The following ARHGEF28 variants were observed in gnomAD, a reference collection of about 807,000 sequenced individuals.
ARHGEF28 encodes the protein 190 kDa guanine nucleotide exchange factor.
A neutral mutation model predicts 206.6 loss-of-function variants in ARHGEF28; 152 were observed. That is an observed-to-expected ratio of 0.74 (90% CI 0.64 to 0.84). The LOEUF is 0.84. Ranked by LOEUF, ARHGEF28 falls within the 40% of genes least tolerant of loss-of-function variation. The probability of loss-of-function intolerance (pLI) is 0.00; values close to 1 mark genes in which losing one functional copy is unlikely to be tolerated. For missense variants in ARHGEF28, 2,028 were observed against 2,073.2 expected, an observed-to-expected ratio of 0.98 and a Z score of 0.42; for synonymous variants, 763 against 776.4, an observed-to-expected ratio of 0.98 and a Z score of 0.29.
chr5:73,739,130 C>T (rs1580548572), intron 2 of ARHGEF28, among the ~76,000 whole-genome samples: 1 of 149,710 alleles, frequency 6.7e-6, no homozygotes, highest in African/African-American at 2.5e-5. Context: ...AAAAGGAAAC[C>T]TTTTTTTTTT....
At chr5:73,697,745 G>C (rs1159738662) in intron 2 of ARHGEF28, among the ~76,000 whole-genome samples, 1 of 152,134 alleles carries the variant, frequency 6.6e-6, no homozygotes, top group African/African-American at 2.4e-5. Flanking sequence ...TTCTGGAGGG[G>C]ACATTCAAAC....
chr5:73,640,488 A>C (rs1012570195), intron 1 of ARHGEF28, among the ~76,000 whole-genome samples: 3 of 152,210 alleles, frequency 2.0e-5, no homozygotes, highest in African/African-American at 7.2e-5. Context: ...GTTTAAGCCA[A>C]ACTTTCTTCT....
At chr5:73,767,535 T>A (rs886226941) in intron 4 of ARHGEF28, among the ~76,000 whole-genome samples, 1 of 152,110 alleles carries the variant, frequency 6.6e-6, no homozygotes, top group Non-Finnish European at 1.5e-5. Flanking sequence ...AGCATTTTGC[T>A]CCTGTGCTAG....
intron 6 of ARHGEF28, among the ~76,000 whole-genome samples, chr5:73,779,230 T>G (rs1357916502): frequency 1.3e-5 from 2 of 152,188 alleles, no homozygotes; most frequent in East Asian, 3.8e-4. Context: ...ATCCAAACTG[T>G]AAAGACAGAA....
chr5:73,690,525 CAAAAAA>C (rs71615796), intron 2 of ARHGEF28, among the ~76,000 whole-genome samples: 7 of 23,356 alleles, frequency 3.0e-4, no homozygotes, highest in Admixed American at 1.3e-3. Flanking sequence ...TCTGTCTTTA[CAAAAAA>C]AAAAAAAAAA....
chr5:73,801,732 T>G (rs1755148207), intron 9 of ARHGEF28, among the ~76,000 whole-genome samples: 1 of 152,070 alleles, frequency 6.6e-6, no homozygotes, highest in Non-Finnish European at 1.5e-5. Context: ...TTCTTTTCTC[T>G]TTTTTTGGGG....
chr5:73,919,823 T>C (rs1424917302), intron 35 of ARHGEF28, among the ~76,000 whole-genome samples: 1 of 152,216 alleles, frequency 6.6e-6, no homozygotes, highest in Non-Finnish European at 1.5e-5. Flanking sequence ...AAAGTCATGG[T>C]TCAGCATCGC....
At chr5:73,852,780 G>T (rs1022818697) in intron 14 of ARHGEF28, 88 bp downstream of exon 14, 6 of 1,373,714 alleles carry the variant, frequency 4.4e-6, no homozygotes, top group Non-Finnish European at 6.2e-6. Flanking sequence ...CTGTTCACTA[G>T]TTCATGAGAG....
intron 2 of ARHGEF28, among the ~76,000 whole-genome samples, chr5:73,732,107 ATGT>A (rs1285489922): frequency 6.7e-6 from 1 of 149,872 alleles, no homozygotes; most frequent in Non-Finnish European, 1.5e-5. Context: ...TTCACTCCTG[ATGT>A]TGTATATTCT....
At chr5:73,686,105 C>A (rs911535671) in intron 2 of ARHGEF28, among the ~76,000 whole-genome samples, 2 of 152,058 alleles carry the variant, frequency 1.3e-5, no homozygotes, top group African/African-American at 4.8e-5. Context: ...GAAAAGCTGC[C>A]CCTTGAGTTG....
intron 29 of ARHGEF28, among the ~76,000 whole-genome samples, chr5:73,896,353 C>T (rs777579409): frequency 4.6e-5 from 7 of 151,996 alleles, no homozygotes; most frequent in African/African-American, 7.3e-5. Context: ...CGGGGGTCAC[C>T]GTTAGATGAG....
chr5:73,683,479 T>G lies in ARHGEF28; in HGVS notation c.-11-1362T>G, dbSNP rs148684439. 2.9e-3 allele frequency among the ~76,000 whole-genome samples: 436 copies of G among 152,054 alleles called. 2 individuals are homozygous for G. Among genetic ancestry groups the G allele is most frequent in the African/African-American group, 0.01 (420 of 41,466 alleles). ...ATAGTATTTTTCCTTTCTGTCTGAG[T>G]TCTTTCACTTAGGGTAATGTTGTCA... is the stretch of plus-strand genomic sequence containing the variant. On this transcript the variant is annotated intron_variant, in intron 1 of 35. Transcript: ENST00000513042.
intron 22 of ARHGEF28, among the ~76,000 whole-genome samples, chr5:73,879,898 C>A (rs1189781147): frequency 3.9e-5 from 6 of 152,200 alleles, no homozygotes; most frequent in Admixed American, 3.3e-4. Context: ...CTTGAGGAGG[C>A]AGTCTGCCCG....
At chr5:73,917,038 A>G (rs1347684020) in intron 35 of ARHGEF28, among the ~76,000 whole-genome samples, 3 of 152,226 alleles carry the variant, frequency 2.0e-5, no homozygotes, top group Non-Finnish European at 4.4e-5. Context: ...TAGTGAAACT[A>G]GAGCAGAAAA....
In ARHGEF28 at chr5:73,752,954, C is replaced by T. The variant is rs779778189; in HGVS notation, c.227C>T (p.Ser76Leu). ...GTGACGGTATCTGTGTGCCTCTGCT[C>T]GGAAGGTTACTCTCCGGTGACCATG... is the stretch of plus-strand genomic sequence containing the variant. ...ETVTVSVCLC[S>L]EGYSPVTMGS... is the part of the protein sequence containing the mutation. The change falls in exon 4 of 36, where the codon TCG (serine) becomes TTG (leucine). Residue 76 changes from serine (S) to leucine (L), a missense_variant. Coordinates refer to ENST00000513042, the MANE Select transcript of ARHGEF28 (RefSeq NM_001177693.2). 41 of 1,613,826 alleles carry T rather than the reference C, an allele frequency of 2.5e-5. No individual in the cohort carries two copies. The highest frequency in any genetic ancestry group is 4.0e-5 in the African/African-American group (3 of 75,032).
chr5:73,675,750 A>G (rs1404559080), intron 1 of ARHGEF28, among the ~76,000 whole-genome samples: 5 of 151,240 alleles, frequency 3.3e-5, no homozygotes, highest in African/African-American at 9.7e-5. Flanking sequence ...AAAAAAAAAA[A>G]AAAAGAAAAT....
At chr5:73,844,615 T>C (rs554766105) in intron 11 of ARHGEF28, among the ~76,000 whole-genome samples, 1 of 147,068 alleles carries the variant, frequency 6.8e-6, no homozygotes, top group East Asian at 2.0e-4. Context: ...GGTTCTTGTA[T>C]TTCAAAATAA....
chr5:73,883,914 G>T (rs1172702143), intron 24 of ARHGEF28, 30 bp downstream of exon 24: 1 of 1,406,430 alleles, frequency 7.1e-7, no homozygotes, highest in South Asian at 1.5e-5. Flanking sequence ...ATAAAAATTT[G>T]CCCCTCTTAT....
chr5:73,751,796 C>A (rs556006011), intron 3 of ARHGEF28, among the ~76,000 whole-genome samples: 3 of 152,208 alleles, frequency 2.0e-5, no homozygotes, highest in South Asian at 4.2e-4. Context: ...TCCCTGGTGA[C>A]AGCTTTTACC....
Sources: allele counts gnomAD v4.1 joint callset (sites outside exome capture counted in the v4.1 genomes callset), GRCh38; gene constraint gnomAD v4.1.1; transcripts MANE v1.5; gene names NCBI Gene and HGNC (gene_info 2026-07-23, HGNC 2026-07-21).